The following TBX15 variants were observed in gnomAD, a reference collection of about 807,000 sequenced individuals.
TBX15 encodes T-box transcription factor TBX15.
A neutral mutation model predicts 53.9 loss-of-function variants in TBX15; 18 were observed. That is an observed-to-expected ratio of 0.33 (90% confidence interval 0.23 to 0.49). TBX15 has a LOEUF of 0.49. TBX15 is among the 20% of genes least tolerant of loss of function. The pLI is 0.98. For synonymous variants in TBX15, 295 were observed against 278.0 expected (o/e 1.06, Z -0.61); for missense variants, 692 against 749.5 (o/e 0.92, Z 0.90).
At chr1:118,942,724 GCAGT>G (rs1175505811) in intron 1 of TBX15, among the ~76,000 whole-genome samples, 2 of 152,192 alleles carry the variant, frequency 1.3e-5, no homozygotes, top group African/African-American at 4.8e-5. Flanking sequence ...TCTGTGAGAA[GCAGT>G]CAGTCAAACA....
intron 7 of TBX15, among the ~76,000 whole-genome samples, chr1:118,895,198 A>G (rs750715663): frequency 2.0e-5 from 3 of 152,158 alleles, no homozygotes; most frequent in Admixed American, 6.5e-5. Flanking sequence ...TAACTCTTTA[A>G]CTGCCTGACA....
intron 1 of TBX15, among the ~76,000 whole-genome samples, chr1:118,943,422 G>A (rs1384324810): frequency 2.0e-5 from 3 of 152,166 alleles, no homozygotes; most frequent in Non-Finnish European, 4.4e-5. Context: ...CAACGAAAAT[G>A]CCATGTAAGG....
intron 1 of TBX15, among the ~76,000 whole-genome samples, chr1:118,944,403 C>T (rs1656280197): frequency 1.3e-5 from 2 of 152,216 alleles, no homozygotes; most frequent in Admixed American, 1.3e-4. Flanking sequence ...GAGTCATCCT[C>T]ACCATGTCAC....
chr1:118,968,646 G>A (rs1657132640), intron 1 of TBX15, among the ~76,000 whole-genome samples: 2 of 152,172 alleles, frequency 1.3e-5, no homozygotes, highest in Non-Finnish European at 2.9e-5. Flanking sequence ...TGCCAATGCT[G>A]TTGGGTGAAG....
chr1:118,974,712 A>G (rs1171685634), intron 1 of TBX15, among the ~76,000 whole-genome samples: 1 of 152,194 alleles, frequency 6.6e-6, no homozygotes, highest in Non-Finnish European at 1.5e-5. Context: ...TACCATACCA[A>G]ACAAGGCTAC....
At chr1:118,922,205 A>C (rs1655448209) in intron 5 of TBX15, among the ~76,000 whole-genome samples, 1 of 152,230 alleles carries the variant, frequency 6.6e-6, no homozygotes, top group Non-Finnish European at 1.5e-5. Flanking sequence ...AGTATGACTC[A>C]TCTATTTTGC....
At chr1:118,979,787 G>A (rs971546064) in intron 1 of TBX15, among the ~76,000 whole-genome samples, 3 of 152,184 alleles carry the variant, frequency 2.0e-5, no homozygotes, top group African/African-American at 7.2e-5. Context: ...CCAGGGTCCC[G>A]GGTTTCCAAG....
intron 6 of TBX15, among the ~76,000 whole-genome samples, chr1:118,903,074 C>T (rs1005586500): frequency 2.0e-5 from 3 of 152,098 alleles, no homozygotes; most frequent in Non-Finnish European, 4.4e-5. Flanking sequence ...AAGTGTCCCC[C>T]TCTTGCTCAT....
chr1:118,924,197 A>G (rs1368973945), intron 4 of TBX15, among the ~76,000 whole-genome samples: 1 of 152,248 alleles, frequency 6.6e-6, no homozygotes, highest in Non-Finnish European at 1.5e-5. Context: ...AATTAATAAC[A>G]TCACACGCTC....
intron 1 of TBX15, 74 bp from the exon 2 acceptor site, chr1:118,931,906 G>A (rs1323010378): frequency 1.4e-6 from 2 of 1,459,574 alleles, no homozygotes; most frequent in Non-Finnish European, 1.9e-6. Flanking sequence ...AAAGATGGGG[G>A]TGGGAAATGC....
intron 2 of TBX15, among the ~76,000 whole-genome samples, chr1:118,928,774 T>C (rs955158056): frequency 6.6e-6 from 1 of 152,198 alleles, no homozygotes; most frequent in Non-Finnish European, 1.5e-5. Flanking sequence ...CTGGAACCAT[T>C]ATATGACCTT....
At chr1:118,938,094 T>C (rs1223865468) in intron 1 of TBX15, among the ~76,000 whole-genome samples, 2 of 152,164 alleles carry the variant, frequency 1.3e-5, no homozygotes, top group African/African-American at 2.4e-5. Context: ...CATTTGGCAC[T>C]GACCTGAGTA....
At chr1:118,974,506 C>T (rs1285879826) in intron 1 of TBX15, among the ~76,000 whole-genome samples, 2 of 152,104 alleles carry the variant, frequency 1.3e-5, no homozygotes, top group East Asian at 3.9e-4. Flanking sequence ...ATCAGACTTC[C>T]TAAGAGAGGA....
chr1:118,923,292 C>A, intron 5 of TBX15, 144 bp downstream of exon 5: 1 of 1,056,242 alleles, frequency 9.5e-7, no homozygotes. Flanking sequence ...GCTGAGAACT[C>A]TAACACTGTA....
At chr1:118,889,974 G>A (rs1557870783) in intron 7 of TBX15, among the ~76,000 whole-genome samples, 1 of 152,174 alleles carries the variant, frequency 6.6e-6, no homozygotes, top group African/African-American at 2.4e-5. Flanking sequence ...TATGAGAGAA[G>A]AGTGAAGGAA....
At chr1:118,942,601 T>G (rs1350571078) in intron 1 of TBX15, among the ~76,000 whole-genome samples, 1 of 152,186 alleles carries the variant, frequency 6.6e-6, no homozygotes, top group Non-Finnish European at 1.5e-5. Context: ...ACCTGAACTA[T>G]TGGAATCCTA....
At chr1:118,937,254 G>T (rs1401820889) in intron 1 of TBX15, among the ~76,000 whole-genome samples, 1 of 152,158 alleles carries the variant, frequency 6.6e-6, no homozygotes, top group Non-Finnish European at 1.5e-5. Flanking sequence ...TTATGTAAAG[G>T]TAGAGGAGAA....
At chr1:118,949,692 C>G (rs964857270) in intron 1 of TBX15, among the ~76,000 whole-genome samples, 1 of 152,236 alleles carries the variant, frequency 6.6e-6, no homozygotes, top group Non-Finnish European at 1.5e-5. Flanking sequence ...TTAGCTGAGG[C>G]CCTTGAGTCT....
At position 118,885,152 on chromosome 1, in the gene TBX15, T is replaced by G. The variant is rs1170244828; in HGVS notation, c.1389A>C (p.Glu463Asp). 1.9e-6 allele frequency: 3 copies of G among 1,614,182 alleles called. No individual in the cohort carries two copies. The highest frequency in any genetic ancestry group is 2.2e-5 in the East Asian group (1 of 44,872). Residue 463 changes from glutamate (E) to aspartate (D), a missense_variant, in exon 8 of 8, where the codon GAA (glutamate) becomes GAC (aspartate). This residue lies in a region of TBX15 where 375 missense variants were observed against 371.6 expected (regional missense o/e 1.01). Transcript: ENST00000369429. ...PPSLPGNSKM[E>D]AYGGQLGSFP... ...AGGACCCCAGCTGGCCACCGTAGGCTTCCATCTTGCTGTTGCCAGGCAACG... is the reference window on the plus strand; with the variant it reads ...AGGACCCCAGCTGGCCACCGTAGGCGTCCATCTTGCTGTTGCCAGGCAACG...
Sources: gnomAD v4.1 joint callset for allele counts (sites outside exome capture counted in the v4.1 genomes callset) on GRCh38, gnomAD v4.1.1 for gene constraint, gnomAD v4.1.1 regional missense constraint, MANE v1.5 for transcripts, NCBI Gene and HGNC (gene_info 2026-07-23, HGNC 2026-07-21) for gene names.